Variants in PTPRG observed in about 807,000 individuals in gnomAD.
PTPRG encodes the protein receptor-type tyrosine-protein phosphatase gamma.
In PTPRG, 102 loss-of-function variants were observed where a neutral mutation model predicts 165.3. The ratio of observed to expected loss-of-function variants is 0.62; its 90% CI spans 0.53 to 0.73. The LOEUF (loss-of-function observed/expected upper bound fraction) is 0.73, where lower values mean the gene tolerates loss of function less well. PTPRG is among the 30% of genes least tolerant of loss of function. The pLI, the probability that PTPRG is intolerant of heterozygous loss-of-function variation, is 0.00. For missense variants in PTPRG, 1,866 were observed against 1,861.4 expected (o/e 1.00, Z -0.05); for synonymous variants, 675 against 669.5 (o/e 1.01, Z -0.13).
chr3:62,007,460 C>G (rs1485092018), intron 4 of PTPRG, among the ~76,000 whole-genome samples: 1 of 152,192 alleles, frequency 6.6e-6, no homozygotes, highest in South Asian at 2.1e-4. Context: ...AAGTTGAAGT[C>G]AGATTACAAT....
At chr3:61,654,054 C>T (rs1056984497) in intron 1 of PTPRG, among the ~76,000 whole-genome samples, 31 of 152,300 alleles carry the variant, frequency 2.0e-4, no homozygotes, top group African/African-American at 7.0e-4. Context: ...CATGCCCTTC[C>T]AGGGCACTTT....
chr3:62,005,690 CTTTTTTTTTTTTTTT>C (rs35487954), intron 4 of PTPRG, among the ~76,000 whole-genome samples: 13 of 60,336 alleles, frequency 2.2e-4, no homozygotes, highest in South Asian at 1.9e-3. Flanking sequence ...CATTAATATC[CTTTTTTTTTTTTTTT>C]TTTTTTTTTT....
intron 5 of PTPRG, among the ~76,000 whole-genome samples, chr3:62,096,801 T>G (rs912213343): frequency 2.0e-5 from 3 of 152,210 alleles, no homozygotes; most frequent in Non-Finnish European, 2.9e-5. Context: ...GAAACCTGAT[T>G]ATAATTATCC....
At chr3:62,047,857 T>C (rs1700346966) in intron 4 of PTPRG, among the ~76,000 whole-genome samples, 1 of 152,140 alleles carries the variant, frequency 6.6e-6, no homozygotes, top group African/African-American at 2.4e-5. Flanking sequence ...CCCCCAGCCT[T>C]TTAAAAACAG....
At chr3:61,786,094 T>C (rs2034692433) in intron 2 of PTPRG, among the ~76,000 whole-genome samples, 1 of 152,202 alleles carries the variant, frequency 6.6e-6, no homozygotes, top group Non-Finnish European at 1.5e-5. Context: ...TATACGTGCC[T>C]CTGGCCTTTT....
Position 61,795,774 on chromosome 3 carries a change from A to C in PTPRG, c.190+46792A>C, listed in dbSNP as rs532872825. On this transcript the variant is annotated intron_variant, in intron 2 of 29. Coordinates refer to ENST00000474889, the MANE Select transcript of PTPRG (RefSeq NM_002841.4). ...ATACCGGCTATTTTTATTATTTTTA[A>C]GGCTATTGATTACTAGTACTTTAGA... Among the ~76,000 whole-genome samples, 209 of 151,908 alleles carry C rather than the reference A, an allele frequency of 1.4e-3. 2 individuals carry two copies. Among genetic ancestry groups the C allele is most frequent in the Non-Finnish European group, 3.2e-4 (22 of 67,972 alleles).
intron 2 of PTPRG, among the ~76,000 whole-genome samples, chr3:61,788,576 A>G (rs1232570917): frequency 6.6e-6 from 1 of 152,260 alleles, no homozygotes; most frequent in African/African-American, 2.4e-5. Context: ...TGCTGAATTC[A>G]GCAACCAGTT....
chr3:62,089,974 C>G (rs774317098), intron 5 of PTPRG, among the ~76,000 whole-genome samples: 10 of 152,176 alleles, frequency 6.6e-5, no homozygotes, highest in Non-Finnish European at 1.3e-4. Flanking sequence ...CATGTATCAA[C>G]TGGCCATTGT....
chr3:62,143,846 C>A (rs1221415007), intron 6 of PTPRG, among the ~76,000 whole-genome samples: 1 of 152,190 alleles, frequency 6.6e-6, no homozygotes, highest in Non-Finnish European at 1.5e-5. Flanking sequence ...AATTACTGAA[C>A]CTCTCTGTCC....
intron 1 of PTPRG, among the ~76,000 whole-genome samples, chr3:61,737,425 T>C (rs1019715652): frequency 1.3e-5 from 2 of 152,156 alleles, no homozygotes; most frequent in Non-Finnish European, 2.9e-5. Flanking sequence ...GCCTAAATCT[T>C]ACCAAACTTC....
At chr3:61,914,423 C>A (rs1291264969) in intron 2 of PTPRG, among the ~76,000 whole-genome samples, 1 of 152,180 alleles carries the variant, frequency 6.6e-6, no homozygotes, top group African/African-American at 2.4e-5. Context: ...TGACTCCCGG[C>A]AATATTTGGT....
intron 3 of PTPRG, among the ~76,000 whole-genome samples, chr3:61,999,387 G>C (rs1349889694): frequency 6.6e-6 from 1 of 152,078 alleles, no homozygotes; most frequent in Non-Finnish European, 1.5e-5. Context: ...CATTCACGAG[G>C]GTTCCACCCT....
intron 2 of PTPRG, among the ~76,000 whole-genome samples, chr3:61,752,517 G>C (rs1197828659): frequency 6.6e-6 from 1 of 152,066 alleles, no homozygotes; most frequent in Non-Finnish European, 1.5e-5. Context: ...TGCTGGCCGG[G>C]TGCGGTGGCT....
intron 2 of PTPRG, among the ~76,000 whole-genome samples, chr3:61,816,718 G>T (rs929919381): frequency 3.3e-5 from 5 of 151,884 alleles, no homozygotes; most frequent in Non-Finnish European, 7.4e-5. Context: ...CACATGGATG[G>T]CTGTTTTTGC....
At chr3:61,961,328 T>G (rs1336679004) in intron 2 of PTPRG, among the ~76,000 whole-genome samples, 1 of 152,212 alleles carries the variant, frequency 6.6e-6, no homozygotes, top group Non-Finnish European at 1.5e-5. Context: ...GGTTGAAGTA[T>G]TAGGGACAGG....
In PTPRG at chr3:62,203,850, T is replaced by C. The variant is rs1225814845; in HGVS notation, c.2055T>C (p.Tyr685=). ...CCCCCACCGCCACAGAGGAGCAGTATGCAGGGAGTGATCCCAAGAGGCCCG... is the reference window on the plus strand; with the variant it reads ...CCCCCACCGCCACAGAGGAGCAGTACGCAGGGAGTGATCCCAAGAGGCCCG... ...QVPPTATEEQ[Y]AGSDPKRPEM... The change falls in exon 12 of 30, where the codon TAT becomes TAC. Residue 685 remains tyrosine (Y), a synonymous_variant. Transcript: ENST00000474889. This position sits in a 1 kb window ranked among gnomAD's most constrained non-coding sequence, Gnocchi z 6.4. 1.7e-5 allele frequency: 27 copies of C among 1,614,004 alleles called. No individual in the cohort carries two copies. Among genetic ancestry groups the C allele is most frequent in the Non-Finnish European group, 2.3e-5 (27 of 1,180,020 alleles).
chr3:61,921,123 C>CCTTG, intron 2 of PTPRG, among the ~76,000 whole-genome samples: 1 of 45,478 alleles, frequency 2.2e-5, no homozygotes, highest in Admixed American at 2.1e-4. Context: ...CCATCTCCTT[C>CCTTG]CTTCCTTCCT....
At chr3:62,176,279 G>C (rs895359795) in intron 8 of PTPRG, among the ~76,000 whole-genome samples, 21 of 152,160 alleles carry the variant, frequency 1.4e-4, no homozygotes, top group Admixed American at 1.4e-3. Flanking sequence ...GGTGAGCAAA[G>C]TGAGAAATGG....
chr3:61,607,077 G>T lies in PTPRG; in HGVS notation c.85+44705G>T, dbSNP rs1325411535. 2.0e-5 allele frequency among the ~76,000 whole-genome samples: 3 copies of T among 152,350 alleles called. 1 individual carries two copies. In the South Asian group the frequency reaches 6.2e-4, roughly 32 times the overall value. ...AGGAAAGAGGACTCTCTGCCAAGAGGTGAGAGAAGGAGCTTTGGGCAGGTA... is the reference window on the plus strand; with the variant it reads ...AGGAAAGAGGACTCTCTGCCAAGAGTTGAGAGAAGGAGCTTTGGGCAGGTA... On this transcript the variant is annotated intron_variant, in intron 1 of 29. Coordinates refer to ENST00000474889, the MANE Select transcript of PTPRG (RefSeq NM_002841.4).
Sources: allele counts gnomAD v4.1 joint callset (sites outside exome capture counted in the v4.1 genomes callset), GRCh38; gene constraint gnomAD v4.1.1; non-coding constraint Gnocchi (gnomAD v3.1); transcripts MANE v1.5; gene names NCBI Gene and HGNC (gene_info 2026-07-23, HGNC 2026-07-21).